The following TNK1 variants were observed in gnomAD, a reference collection of about 807,000 sequenced individuals.
TNK1 encodes the protein non-receptor tyrosine-protein kinase TNK1.
In TNK1, 53 loss-of-function variants were observed where a neutral mutation model predicts 65.2. The ratio of observed to expected loss-of-function variants is 0.81; its 90% CI spans 0.65 to 1.02. The LOEUF is 1.02. Ranked by LOEUF, TNK1 falls within the 50% of genes least tolerant of loss-of-function variation. The pLI, the probability that TNK1 is intolerant of heterozygous loss-of-function variation, is 0.00. For synonymous variants in TNK1, 353 were observed against 364.6 expected, an observed-to-expected ratio of 0.97 and a Z score of 0.36; for missense variants, 837 against 878.4, an observed-to-expected ratio of 0.95 and a Z score of 0.60.
chr17:7,386,984 C>T lies in TNK1; in HGVS notation c.1233-6C>T. 1 of 1,546,830 alleles carries T rather than the reference C, an allele frequency of 6.5e-7. No homozygotes were observed. Among genetic ancestry groups the T allele is most frequent in the Non-Finnish European group, 8.7e-7 (1 of 1,143,840 alleles). On this transcript the variant is annotated splice_region_variant and splice_polypyrimidine_tract_variant and intron_variant, in intron 8 of 12. Coordinates refer to ENST00000688331, the MANE Select transcript of TNK1 (RefSeq NM_003985.6). The stretch of plus-strand genomic sequence containing the variant: ...CCATCCTATTTACCAGCTCCTCTTT[C>T]CACAGCCCCGACTCCACAATCTGGA...
At position 7,389,086 on chromosome 17, in the gene TNK1, C is replaced by T. The variant is rs1439034577; in HGVS notation, c.*2C>T. On this transcript the variant is annotated 3_prime_UTR_variant, in exon 13 of 13. Transcript: ENST00000688331. ...CGCTATGTCCTGGCCAGGCCCTGAG[C>T]TCAGCTTCTGCGGGCACAGACACCA... 15 of 1,550,952 alleles carry T rather than the reference C, an allele frequency of 9.7e-6. No individual in the cohort carries two copies. Among genetic ancestry groups the T allele is most frequent in the Non-Finnish European group, 1.1e-5 (13 of 1,146,262 alleles).
In TNK1 at chr17:7,384,256, G is replaced by A. The variant is rs777852113; in HGVS notation, c.866+3G>A. ...CCCCGCCCTATCCCCTACGCCTGGT[G>A]AGAGCGGGTCCGCGGGCGGTCGGGC... is the stretch of plus-strand genomic sequence containing the variant. On this transcript the variant is annotated splice_donor_region_variant and intron_variant, in intron 6 of 12. Coordinates refer to ENST00000688331, the MANE Select transcript of TNK1 (RefSeq NM_003985.6). 3.4e-6 allele frequency: 5 copies of A among 1,459,830 alleles called. No homozygotes were observed. In the South Asian group the frequency reaches 5.5e-5, roughly 16 times the overall value. 90.4% of individuals were successfully genotyped at this position (1,459,830 alleles called of 1,614,324 possible).
chr17:7,382,621 A>C lies in TNK1; in HGVS notation c.-91-215A>C, dbSNP rs1200737117. Among the ~76,000 whole-genome samples the C allele has an allele frequency of 1.3e-5, 2 of 152,090 alleles. No individual in the cohort carries two copies. The highest frequency in any genetic ancestry group is 2.9e-5 in the Non-Finnish European group (2 of 68,032). On this transcript the variant is annotated intron_variant, in intron 1 of 12. Transcript: ENST00000688331. The surrounding 1 kb of genome is among the most constrained non-coding windows in gnomAD (Gnocchi z 4.1). ...TGTGCCGTGATATTTCAGAGTCAGG[A>C]TGGTAACATACCTGGAGTCTGTAGT...
In TNK1 at chr17:7,389,089, A is replaced by C; in HGVS notation, c.*5A>C. ...TATGTCCTGGCCAGGCCCTGAGCTC[A>C]GCTTCTGCGGGCACAGACACCAGCA... On this transcript the variant is annotated 3_prime_UTR_variant, in exon 13 of 13. Transcript: ENST00000688331. The C allele has an allele frequency of 6.5e-7, 1 of 1,549,970 alleles. No homozygotes were observed.
Position 7,388,535 on chromosome 17 carries a change from C to T in TNK1, c.1607C>T (p.Pro536Leu), listed in dbSNP as rs1429554628. ...QGPPGLPPRP[P>L]LSSSSPQPSQ... The stretch of plus-strand genomic sequence containing the variant: ...CCTCCAGGCCTGCCTCCACGCCCAC[C>T]TTTATCCTCTAGCTCTCCTCAGCCC... The change falls in exon 11 of 13, where the codon CCT becomes CTT. Residue 536 changes from proline (P) to leucine (L), a missense_variant. Pro to Leu is a moderately conservative substitution (Grantham distance 98). Coordinates refer to ENST00000688331, the MANE Select transcript of TNK1 (RefSeq NM_003985.6). This position sits in a 1 kb window ranked among gnomAD's most constrained non-coding sequence, Gnocchi z 4.5. 3 of 1,613,862 alleles carry T rather than the reference C, an allele frequency of 1.9e-6. No homozygotes were observed. Among genetic ancestry groups the T allele is most frequent in the Non-Finnish European group, 2.5e-6 (3 of 1,179,904 alleles).
intron 7 of TNK1, 88 bp downstream of exon 7, chr17:7,384,842 A>G: frequency 6.8e-7 from 1 of 1,472,212 alleles, no homozygotes; most frequent in Non-Finnish European, 9.1e-7. Context: ...ACACATCTAG[A>G]TGTCTGTGCT....
chr17:7,389,157 G>T lies in TNK1; in HGVS notation c.*73G>T. 8.0e-7 allele frequency: 1 copy of T among 1,250,150 alleles called. No homozygotes were observed. The highest frequency in any genetic ancestry group is 1.5e-5 in the African/African-American group (1 of 66,892). 77.4% of individuals were successfully genotyped at this position (1,250,150 alleles called of 1,614,324 possible). A position where few individuals can be genotyped will look rare whatever the true frequency, so the allele number is the denominator to read the frequency against. On this transcript the variant is annotated 3_prime_UTR_variant, in exon 13 of 13. Coordinates refer to ENST00000688331, the MANE Select transcript of TNK1 (RefSeq NM_003985.6). ...TGAGGGCCTGGCCACATGGGACCAA[G>T]CGGAACCAGAACAAGGTCCCGACAG...
In TNK1 at chr17:7,389,449, A is replaced by G. The variant is rs1905455986; in HGVS notation, c.*365A>G. The G allele has an allele frequency of 2.3e-6, 1 of 428,212 alleles. No individual in the cohort carries two copies. Among genetic ancestry groups the G allele is most frequent in the Non-Finnish European group, 4.1e-6 (1 of 242,954 alleles). The allele number at this position is 428,212 out of a possible 1,614,324, so 26.5% of individuals were successfully genotyped here. A position where few individuals can be genotyped will look rare whatever the true frequency, so the allele number is the denominator to read the frequency against. Reference sequence around the variant, plus strand: ...AGGGGCCACACTGGACCATGTGAACAGCCATCCTGAACTGCCATCAGCTAC... The same window carrying G: ...AGGGGCCACACTGGACCATGTGAACGGCCATCCTGAACTGCCATCAGCTAC... On this transcript the variant is annotated 3_prime_UTR_variant, in exon 13 of 13. Transcript: ENST00000688331.
rs2269762 is a variant in TNK1 at position 7,382,512 on chromosome 17, C to A, written c.-91-324C>A. Among the ~76,000 whole-genome samples the A allele has an allele frequency of 6.6e-6, 1 of 151,914 alleles. No homozygotes were observed. The highest frequency in any genetic ancestry group is 2.4e-5 in the African/African-American group (1 of 41,358). On this transcript the variant is annotated intron_variant, in intron 1 of 12. Coordinates refer to ENST00000688331, the MANE Select transcript of TNK1 (RefSeq NM_003985.6). The surrounding 1 kb of genome is among the most constrained non-coding windows in gnomAD (Gnocchi z 4.1). ...TCTCATGTTGGAGGAAGGGAGATGTCGTCTCAGGTGTGTATGAGTGAGTTT... is the reference window on the plus strand; with the variant it reads ...TCTCATGTTGGAGGAAGGGAGATGTAGTCTCAGGTGTGTATGAGTGAGTTT...
rs749855450 is a variant in TNK1, at chr17:7,383,820, G to A, written c.538G>A (p.Val180Met). 1 of 1,612,676 alleles carries A rather than the reference G, an allele frequency of 6.2e-7. No homozygotes were observed. The highest frequency in any genetic ancestry group is 2.2e-5 in the East Asian group (1 of 44,814). Reference protein sequence around the residue: ...SVMMNLEHPHVLRLHGLVLGQ... With the variant: ...SVMMNLEHPHMLRLHGLVLGQ... The stretch of plus-strand genomic sequence containing the variant: ...CATGATGAACTTGGAGCACCCACAC[G>A]TGCTGCGTCTGCACGGCCTTGTACT... The change falls in exon 5 of 13, where the codon GTG becomes ATG. Residue 180 changes from valine (V) to methionine (M), a missense_variant. Transcript: ENST00000688331.
rs1027498522 is a variant in TNK1, at chr17:7,383,750, C to T, written c.468C>T (p.Gly156=). ...AVKSLRVGPE[G]PMGTELGDFL... The stretch of plus-strand genomic sequence containing the variant: ...AGTCCCTCCGGGTAGGTCCCGAAGG[C>T]CCGATGGGCACAGAACTGGGGGACT... Residue 156 remains glycine, a synonymous_variant, in exon 5 of 13, where the codon GGC becomes GGT. Transcript: ENST00000688331. 32 of 1,612,524 alleles carry T rather than the reference C, an allele frequency of 2.0e-5. No individual in the cohort carries two copies. Among genetic ancestry groups the T allele is most frequent in the African/African-American group, 2.7e-5 (2 of 75,040 alleles).
Position 7,383,705 on chromosome 17 carries a change from C to A in TNK1, c.427-4C>A. The A allele has an allele frequency of 6.2e-7, 1 of 1,611,704 alleles. No homozygotes were observed. Among genetic ancestry groups the A allele is most frequent in the East Asian group, 2.2e-5 (1 of 44,802 alleles). ...TGCCTAAAGGCGCTTCCCCCCACCT[C>A]CAGGTCCCAGTGGCTGTCAAGTCCC... On this transcript the variant is annotated splice_polypyrimidine_tract_variant and splice_region_variant and intron_variant, in intron 4 of 12. Transcript: ENST00000688331.
chr17:7,388,701 G>A lies in TNK1; in HGVS notation c.1773G>A (p.Met591Ile). 2.5e-6 allele frequency: 4 copies of A among 1,612,698 alleles called. No individual in the cohort carries two copies. The highest frequency in any genetic ancestry group is 3.4e-6 in the Non-Finnish European group (4 of 1,179,180). ...ATCCTGAGTTGCAGAGGAAGATTAT[G>A]GAGGTGAGGTCTCACTGAAATGGCC... ...LSDPELQRKI[M>I]EVELSVHGVT... The change falls in exon 11 of 13, where the codon ATG (methionine) becomes ATA (isoleucine). Residue 591 changes from methionine to isoleucine, a missense_variant. Physicochemically the swap from Met to Ile is conservative, Grantham distance 10. Transcript: ENST00000688331. The surrounding 1 kb of genome is among the most constrained non-coding windows in gnomAD (Gnocchi z 4.5).
chr17:7,386,454 C>A, intron 7 of TNK1, 107 bp from the exon 8 acceptor site: 1 of 847,872 alleles, frequency 1.2e-6, no homozygotes, highest in Non-Finnish European at 1.9e-6. Context: ...CCACCCTGGG[C>A]CCAGCACAGA....
upstream of TNK1, among the ~76,000 whole-genome samples, chr17:7,380,210 G>T (rs1394286231): frequency 2.0e-5 from 3 of 152,176 alleles, no homozygotes; most frequent in Non-Finnish European, 4.4e-5. Flanking sequence ...CCAAGACCAG[G>T]AGGGCTTTTC....
intron 7 of TNK1, among the ~76,000 whole-genome samples, chr17:7,385,589 C>CAA (rs1555545554): frequency 6.6e-6 from 1 of 152,028 alleles, no homozygotes; most frequent in Non-Finnish European, 1.5e-5. Flanking sequence ...TATTTTGAGA[C>CAA]AGTCTTGCTC....
chr17:7,389,410 G>C lies in TNK1; in HGVS notation c.*326G>C, dbSNP rs1034089129. 1 of 475,672 alleles carries C rather than the reference G, an allele frequency of 2.1e-6. No individual in the cohort carries two copies. The highest frequency in any genetic ancestry group is 3.7e-6 in the Non-Finnish European group (1 of 270,692). The allele number at this position is 475,672 out of a possible 1,614,324, so 29.5% of individuals were successfully genotyped here. On this transcript the variant is annotated 3_prime_UTR_variant, in exon 13 of 13. Transcript: ENST00000688331. ...TCATATGCAGAGGAAGCTTCTACGCGCTAGAGAGGATCAAGGGGCCACACT... is the reference window on the plus strand; with the variant it reads ...TCATATGCAGAGGAAGCTTCTACGCCCTAGAGAGGATCAAGGGGCCACACT...
At chr17:7,386,478 G>A (rs916222641) in intron 7 of TNK1, 83 bp from the exon 8 acceptor site, 17 of 1,081,528 alleles carry the variant, frequency 1.6e-5, no homozygotes, top group Middle Eastern at 3.9e-4. Flanking sequence ...CATACAGAGC[G>A]GAGCTCCTCT....
intron 7 of TNK1, among the ~76,000 whole-genome samples, chr17:7,385,376 A>G (rs1368048842): frequency 5.3e-5 from 8 of 150,186 alleles, no homozygotes; most frequent in African/African-American, 7.3e-5. Context: ...AAAAAAAAAA[A>G]AAGAAGAAGA....
Sources: allele counts gnomAD v4.1 joint callset (sites outside exome capture counted in the v4.1 genomes callset), GRCh38; gene constraint gnomAD v4.1.1; non-coding constraint Gnocchi (gnomAD v3.1); transcripts MANE v1.5; gene names NCBI Gene and HGNC (gene_info 2026-07-23, HGNC 2026-07-21).